Variants in CYBC1 observed in about 807,000 individuals in gnomAD.
CYBC1 encodes the protein essential for reactive oxygen species protein.
CYBC1 carries 22 observed loss-of-function variants against 21.7 expected under a neutral mutation model. The observed-to-expected ratio is 1.02, with a 90% CI of 0.73 to 1.45. CYBC1 has a LOEUF of 1.45. CYBC1 is among the 40% of genes most tolerant of loss of function. CYBC1 has a pLI of 0.00. For missense variants in CYBC1, 237 were observed against 242.1 expected (o/e 0.98, Z 0.14); for synonymous variants, 112 against 98.7 (o/e 1.13, Z -0.80).
At chr17:82,446,062 G>C (rs1171741865) in intron 4 of CYBC1, 102 bp from the exon 5 acceptor site, 2 of 871,390 alleles carry the variant, frequency 2.3e-6, no homozygotes, top group East Asian at 2.6e-5. Context: ...CACTCAAGAA[G>C]GGGGGCTGGG....
In CYBC1 at chr17:82,444,131, G is replaced by A. The variant is rs756442965; in HGVS notation, c.444-7C>T. ...GGCGATGGCTTCCACATCACTGGGC[G>A]AGGCCGGCAACGGGAGGAAGGTCAG... On this transcript the variant is annotated splice_polypyrimidine_tract_variant and splice_region_variant and intron_variant, in intron 6 of 6. Coordinates refer to ENST00000306645, the MANE Select transcript of CYBC1 (RefSeq NM_001033046.4). The A allele has an allele frequency of 1.1e-5, 17 of 1,608,060 alleles. No homozygotes were observed. Among genetic ancestry groups the A allele is most frequent in the Non-Finnish European group, 1.4e-5 (17 of 1,175,748 alleles).
chr17:82,446,697 C>T lies in CYBC1; in HGVS notation c.128-1G>A. 6.2e-7 allele frequency: 1 copy of T among 1,613,968 alleles called. No homozygotes were observed. Among genetic ancestry groups the T allele is most frequent in the Non-Finnish European group, 8.5e-7 (1 of 1,180,008 alleles). On this transcript the variant is annotated splice_acceptor_variant, in intron 3 of 6. Transcript: ENST00000306645. LOFTEE classifies it high-confidence loss of function. ...TAGAAGAGCTTCCAGCCCAGGCTAT[C>T]TGGAGATGGGCATAGGGCGCCAGCC...
At chr17:82,445,172 G>C (rs2054204134) in intron 5 of CYBC1, 1 of 153,980 alleles carries the variant, frequency 6.5e-6, no homozygotes, top group African/African-American at 2.4e-5. Flanking sequence ...AGACTGCCCA[G>C]CAACTCTGGT....
chr17:82,444,858 G>A lies in CYBC1; in HGVS notation c.299-267C>T, dbSNP rs564537141. On this transcript the variant is annotated intron_variant, in intron 5 of 6. Transcript: ENST00000306645. ...TGGTTCTCCTGGGAGTGCCGACTGCGGGGACCCGCTCAGCGCGAGGCCATC... is the reference window on the plus strand; with the variant it reads ...TGGTTCTCCTGGGAGTGCCGACTGCAGGGACCCGCTCAGCGCGAGGCCATC... The A allele has an allele frequency of 1.2e-4, 58 of 485,848 alleles. No individual in the cohort carries two copies. In the South Asian group the frequency reaches 1.3e-3, roughly 11 times the overall value. 30.1% of individuals were successfully genotyped at this position (485,848 alleles called of 1,614,324 possible).
intron 3 of CYBC1, chr17:82,447,013 G>C: frequency 2.2e-6 from 1 of 451,716 alleles, no homozygotes; most frequent in South Asian, 2.6e-5. Context: ...ATCCTCAAGA[G>C]CATCTCTCCG....
intron 1 of CYBC1, 84 bp downstream of exon 1, chr17:82,450,616 C>G (rs2054535211): frequency 6.6e-6 from 1 of 152,078 alleles, no homozygotes; most frequent in African/African-American, 2.4e-5. Context: ...GACGCAGACC[C>G]CTCCCGGAGT....
chr17:82,447,482 C>T (rs1464313012), intron 3 of CYBC1, 98 bp downstream of exon 3: 7 of 1,078,862 alleles, frequency 6.5e-6, no homozygotes, highest in South Asian at 4.0e-5. Flanking sequence ...TCCTAAAGGC[C>T]GCCCCATGGA....
At chr17:82,445,510 G>A (rs28612648) in intron 5 of CYBC1, 44,221 of 182,374 alleles carry the variant, frequency 0.24, 6,251 homozygotes, top group East Asian at 0.67. Flanking sequence ...CCAGGCAGAC[G>A]GGAGAATGCA....
chr17:82,444,323 C>T (rs1245477673), intron 6 of CYBC1, 124 bp downstream of exon 6: 12 of 1,461,778 alleles, frequency 8.2e-6, no homozygotes, highest in East Asian at 4.6e-5. Context: ...TTCCCGTGGG[C>T]CCCTCTGTGT....
intron 6 of CYBC1, 33 bp downstream of exon 6, chr17:82,444,414 A>C (rs750089489): frequency 6.3e-7 from 1 of 1,575,586 alleles, no homozygotes. Context: ...CTACGGCTGC[A>C]GCTCCGGCCA....
intron 5 of CYBC1, chr17:82,445,575 C>G (rs536973390): frequency 3.0e-6 from 1 of 331,442 alleles, no homozygotes; most frequent in Non-Finnish European, 5.6e-6. Flanking sequence ...CCTCAGACCC[C>G]TGCTCTGCCA....
In CYBC1 at chr17:82,447,598, C is replaced by A; in HGVS notation, c.109G>T (p.Ala37Ser). 2 of 1,600,584 alleles carry A rather than the reference C, an allele frequency of 1.2e-6. No individual in the cohort carries two copies. The highest frequency in any genetic ancestry group is 2.7e-5 in the African/African-American group (2 of 74,974). ...GCTTTACCTCCGCTGTAGTAGGCAG[C>A]AGCCAGGCCAATCGACAAGATTCCT... The part of the protein sequence containing the change: ...LVGILSIGLA[A>S]AYYSGDSLGW... The change falls in exon 3 of 7, where the codon GCT (alanine) becomes TCT (serine). Residue 37 changes from alanine to serine, a missense_variant. Coordinates refer to ENST00000306645, the MANE Select transcript of CYBC1 (RefSeq NM_001033046.4).
Position 82,447,565 on chromosome 17 carries a change from C to T in CYBC1, c.127+15G>A, listed in dbSNP as rs1179026613. The stretch of plus-strand genomic sequence containing the variant: ...CTGAGACAGTCATGGGGGGGTGGGG[C>T]GGGGGGTGCTTTACCTCCGCTGTAG... On this transcript the variant is annotated intron_variant, in intron 3 of 6. Coordinates refer to ENST00000306645, the MANE Select transcript of CYBC1 (RefSeq NM_001033046.4). 6 of 728,390 alleles carry T rather than the reference C, an allele frequency of 8.2e-6. No homozygotes were observed. Among genetic ancestry groups the T allele is most frequent in the East Asian group, 6.4e-5 (1 of 15,558 alleles). 45.1% of individuals were successfully genotyped at this position (728,390 alleles called of 1,614,324 possible).
At chr17:82,447,333 A>G (rs2054362033) in intron 3 of CYBC1, 1 of 544,988 alleles carries the variant, frequency 1.8e-6, no homozygotes, top group Non-Finnish European at 3.3e-6. Flanking sequence ...AGCCTGGGTG[A>G]CAGAGCGAGA....
Position 82,449,262 on chromosome 17 carries a change from G to A in CYBC1, c.-8C>T, listed in dbSNP as rs970106041. ...CTCCACCTGCAGGTACATCCCGAGA[G>A]GGCAGCACCACTCTCTACAGGAGGA... On this transcript the variant is annotated 5_prime_UTR_variant, in exon 2 of 7. Transcript: ENST00000306645. The A allele has an allele frequency of 1.9e-6, 3 of 1,557,552 alleles. No individual in the cohort carries two copies. Among genetic ancestry groups the A allele is most frequent in the African/African-American group, 1.4e-5 (1 of 73,254 alleles).
chr17:82,443,298 G>A lies in CYBC1; in HGVS notation c.*706C>T. The A allele has an allele frequency of 5.3e-6, 2 of 380,036 alleles. No individual in the cohort carries two copies. The highest frequency in any genetic ancestry group is 5.1e-6 in the Non-Finnish European group (1 of 195,662). The allele number at this position is 380,036 out of a possible 1,614,324, so 23.5% of individuals were successfully genotyped here. ...AGCTTATGCTGAAGCTGAGTGTGAGGAACAGAGAGACCTTTCTGTGACGAC... is the reference window on the plus strand; with the variant it reads ...AGCTTATGCTGAAGCTGAGTGTGAGAAACAGAGAGACCTTTCTGTGACGAC... On this transcript the variant is annotated 3_prime_UTR_variant, in exon 7 of 7. Coordinates refer to ENST00000306645, the MANE Select transcript of CYBC1 (RefSeq NM_001033046.4). This position sits in a 1 kb window ranked among gnomAD's most constrained non-coding sequence, Gnocchi z 6.7.
chr17:82,445,323 G>C (rs1021516242), intron 5 of CYBC1: 1 of 157,700 alleles, frequency 6.3e-6, no homozygotes, highest in Non-Finnish European at 1.4e-5. Context: ...GGAGTTCCTC[G>C]GACCATCCAG....
rs777165016 is a variant in CYBC1 at position 82,444,465 on chromosome 17, G to A, written c.425C>T (p.Ala142Val). ...TGFSHPLTQS[A>V]VMGHRSDVEA... ...GCCTTACCTGCGGTGGCCCATGACT[G>A]CACTCTGCGTGAGGGGGTGGGAGAA... The change falls in exon 6 of 7, where the codon GCA becomes GTA. Residue 142 changes from alanine to valine, a missense_variant. By Grantham distance (64) the Ala-to-Val change is moderately conservative. Transcript: ENST00000306645. The A allele has an allele frequency of 5.0e-6, 8 of 1,612,296 alleles. No individual in the cohort carries two copies. The highest frequency in any genetic ancestry group is 2.2e-5 in the East Asian group (1 of 44,860).
chr17:82,446,901 G>C, intron 3 of CYBC1: 1 of 595,196 alleles, frequency 1.7e-6, no homozygotes, highest in South Asian at 2.0e-5. Flanking sequence ...CAGAGTCCAC[G>C]TGAGAGAGGC....
Sources: gnomAD v4.1 joint callset for allele counts on GRCh38, gnomAD v4.1.1 for gene constraint, Gnocchi (gnomAD v3.1) non-coding constraint, MANE v1.5 for transcripts, NCBI Gene and HGNC (gene_info 2026-07-23, HGNC 2026-07-21) for gene names.